Variants in PTPRR observed in about 807,000 individuals in gnomAD.
PTPRR encodes the protein protein tyrosine phosphatase receptor type R, also known as receptor-type tyrosine-protein phosphatase R.
In PTPRR, 38 loss-of-function variants were observed where a neutral mutation model predicts 77.2. The observed-to-expected ratio is 0.49, with a 90% CI of 0.38 to 0.65. PTPRR has a LOEUF of 0.65. PTPRR is among the 30% of genes least tolerant of loss of function. PTPRR has a pLI of 0.00. For synonymous variants in PTPRR, 299 were observed against 283.1 expected (o/e 1.06, Z -0.57); for missense variants, 744 against 799.2 (o/e 0.93, Z 0.83).
At chr12:70,878,460 C>A (rs10748160) in intron 2 of PTPRR, among the ~76,000 whole-genome samples, 14 of 151,902 alleles carry the variant, frequency 9.2e-5, no homozygotes, top group Non-Finnish European at 2.1e-4. Context: ...AGACACTTCT[C>A]AAAAGAAGAC....
At chr12:70,644,446 T>C (rs577004044) in intron 13 of PTPRR, among the ~76,000 whole-genome samples, 34 of 152,346 alleles carry the variant, frequency 2.2e-4, no homozygotes, top group African/African-American at 8.2e-4. Context: ...AAAGACAGCA[T>C]ACACTGTTGT....
chr12:70,783,554 T>G (rs1891249321), intron 2 of PTPRR, among the ~76,000 whole-genome samples: 2 of 151,990 alleles, frequency 1.3e-5, no homozygotes, highest in Admixed American at 6.5e-5. Flanking sequence ...GCTGAGGCCT[T>G]TATGGGCCTC....
At chr12:70,837,039 A>G (rs1328643459) in intron 2 of PTPRR, among the ~76,000 whole-genome samples, 2 of 152,142 alleles carry the variant, frequency 1.3e-5, no homozygotes, top group African/African-American at 4.8e-5. Flanking sequence ...TGTATAAAGC[A>G]TAATACTCCA....
intron 4 of PTPRR, among the ~76,000 whole-genome samples, chr12:70,758,833 A>G (rs1294962276): frequency 6.6e-6 from 1 of 152,226 alleles, no homozygotes; most frequent in Non-Finnish European, 1.5e-5. Context: ...CTATTAGTGC[A>G]TAAATTCATT....
At chr12:70,678,431 G>C (rs1887531099) in intron 10 of PTPRR, among the ~76,000 whole-genome samples, 1 of 151,976 alleles carries the variant, frequency 6.6e-6, no homozygotes, top group African/African-American at 2.4e-5. Flanking sequence ...AAGGTTGCAT[G>C]TGTCCAGGAA....
At chr12:70,761,211 A>G (rs997984063) in intron 4 of PTPRR, among the ~76,000 whole-genome samples, 4 of 152,220 alleles carry the variant, frequency 2.6e-5, no homozygotes, top group Non-Finnish European at 5.9e-5. Context: ...AATTTACTGG[A>G]TAAGTCAAAA....
chr12:70,823,144 CACACACACACAG>C (rs1892051081), intron 2 of PTPRR, among the ~76,000 whole-genome samples: 2 of 146,180 alleles, frequency 1.4e-5, no homozygotes, highest in Non-Finnish European at 3.1e-5. Flanking sequence ...CACACACACA[CACACACACACAG>C]AGTTGTCGTT....
At chr12:70,675,352 A>G (rs916511270) in intron 10 of PTPRR, among the ~76,000 whole-genome samples, 3 of 151,774 alleles carry the variant, frequency 2.0e-5, no homozygotes, top group Admixed American at 6.6e-5. Flanking sequence ...TGATTTTTCT[A>G]TATTACCTTT....
rs1271475174 is a variant in PTPRR at position 70,640,366 on chromosome 12, AG to A, written c.1881-1090del. 3.3e-5 allele frequency among the ~76,000 whole-genome samples: 5 copies of A among 152,126 alleles called. No homozygotes were observed. In the East Asian group the frequency reaches 9.7e-4, roughly 29 times the overall value. ...AAATTTTTTTTTTCTTGTAGAGACA[AG>A]GCCTCACTATGTTGCCCAGGCTGGT... On this transcript the variant is annotated intron_variant, in intron 13 of 13. Transcript: ENST00000283228.
rs567856039 is a variant in PTPRR at position 70,744,877 on chromosome 12, A to G, written c.1007+941T>C. ...TTTAAATATAAAATTAAAGCTTCTT[A>G]TTTTAAGAAACGCCATGGGAAAGCT... On this transcript the variant is annotated intron_variant, in intron 6 of 13. Coordinates refer to ENST00000283228, the MANE Select transcript of PTPRR (RefSeq NM_002849.4). Among the ~76,000 whole-genome samples, 8 of 152,298 alleles carry G rather than the reference A, an allele frequency of 5.3e-5. No homozygotes were observed. The East Asian group carries it at 1.4e-3, about 26-fold the overall frequency.
chr12:70,878,204 A>T (rs561137555), intron 2 of PTPRR, among the ~76,000 whole-genome samples: 8 of 152,302 alleles, frequency 5.3e-5, no homozygotes, highest in African/African-American at 1.4e-4. Flanking sequence ...GGACTTCATG[A>T]CTAAAACACC....
intron 1 of PTPRR, among the ~76,000 whole-genome samples, chr12:70,893,547 G>A (rs1237990419): frequency 6.6e-6 from 1 of 151,762 alleles, no homozygotes; most frequent in African/African-American, 2.4e-5. Flanking sequence ...TAAGTAATAT[G>A]GCCATCTAGA....
chr12:70,764,820 A>C, intron 2 of PTPRR, 42 bp from the exon 3 acceptor site: 1 of 1,393,556 alleles, frequency 7.2e-7, no homozygotes, highest in Admixed American at 1.7e-5. Flanking sequence ...TATAGTATTA[A>C]TTTGTATAGA....
chr12:70,885,487 G>T (rs1208600743), intron 2 of PTPRR, among the ~76,000 whole-genome samples: 1 of 149,940 alleles, frequency 6.7e-6, no homozygotes, highest in Non-Finnish European at 1.5e-5. Context: ...ACATAGAAAA[G>T]AATATATAGA....
At chr12:70,678,683 A>G (rs1295561947) in intron 10 of PTPRR, among the ~76,000 whole-genome samples, 1 of 150,504 alleles carries the variant, frequency 6.6e-6, no homozygotes, top group Non-Finnish European at 1.5e-5. Flanking sequence ...GTCCTTTTTT[A>G]TTTTTTGAGA....
At chr12:70,751,276 G>A (rs180686355) in intron 5 of PTPRR, among the ~76,000 whole-genome samples, 11 of 152,020 alleles carry the variant, frequency 7.2e-5, no homozygotes, top group African/African-American at 2.2e-4. Context: ...AAGTTTTGTC[G>A]GTTCTACTTT....
chr12:70,771,534 C>A (rs909506102), intron 2 of PTPRR, among the ~76,000 whole-genome samples: 4 of 152,066 alleles, frequency 2.6e-5, no homozygotes, highest in African/African-American at 9.7e-5. Flanking sequence ...CATGTACCCC[C>A]TGAATCTAAA....
chr12:70,809,897 C>T (rs961561195), intron 2 of PTPRR, among the ~76,000 whole-genome samples: 22 of 152,158 alleles, frequency 1.4e-4, no homozygotes, highest in African/African-American at 5.1e-4. Context: ...TTTAACTTTT[C>T]CCTTGTTGAT....
Position 70,891,848 on chromosome 12 carries a change from T to G in PTPRR, c.357+831A>C, listed in dbSNP as rs997898794. 8.6e-4 allele frequency among the ~76,000 whole-genome samples: 131 copies of G among 152,240 alleles called. 2 individuals carry two copies. The highest frequency in any genetic ancestry group is 1.2e-4 in the African/African-American group (5 of 41,570). On this transcript the variant is annotated intron_variant, in intron 2 of 13. Transcript: ENST00000283228. ...GAGTTGCCAAAATGCAAACATGGTT[T>G]CATTGAATTATCTTGGCCACACAAA...
Sources: allele counts gnomAD v4.1 joint callset (sites outside exome capture counted in the v4.1 genomes callset), GRCh38; gene constraint gnomAD v4.1.1; transcripts MANE v1.5; gene names NCBI Gene and HGNC (gene_info 2026-07-23, HGNC 2026-07-21).